The following ARHGAP10 variants were observed in gnomAD, a reference collection of about 807,000 sequenced individuals.
The protein encoded by ARHGAP10 is rho GTPase-activating protein 10.
In ARHGAP10, 87 loss-of-function variants were observed where a neutral mutation model predicts 108.6. The observed-to-expected ratio is 0.80, with a 90% CI of 0.67 to 0.96. The LOEUF is 0.96. Ranked by LOEUF, ARHGAP10 falls within the 40% of genes least tolerant of loss-of-function variation. The probability of loss-of-function intolerance (pLI) is 0.00; values close to 1 mark genes in which losing one functional copy is unlikely to be tolerated. For missense variants in ARHGAP10, 939 were observed against 954.5 expected (o/e 0.98, Z 0.21); for synonymous variants, 347 against 341.1 (o/e 1.02, Z -0.19).
chr4:148,045,944 C>G (rs1355187292), intron 19 of ARHGAP10, among the ~76,000 whole-genome samples: 1 of 152,044 alleles, frequency 6.6e-6, no homozygotes, highest in Non-Finnish European at 1.5e-5. Flanking sequence ...CAGTTTAGGA[C>G]CATCACCTAT....
chr4:148,044,999 C>G (rs1239679660), intron 19 of ARHGAP10, among the ~76,000 whole-genome samples: 1 of 152,068 alleles, frequency 6.6e-6, no homozygotes, highest in African/African-American at 2.4e-5. Flanking sequence ...TAAATAGACT[C>G]AGACAAGAAG....
Position 147,787,383 on chromosome 4 carries a change from C to T in ARHGAP10, c.155-35344C>T, listed in dbSNP as rs544200932. ...AGGAAACACATGAACACAACATCAG[C>T]AGGGGGAGAAGATGAAGCTCATGAA... On this transcript the variant is annotated intron_variant, in intron 1 of 22. Transcript: ENST00000336498. Among the ~76,000 whole-genome samples, 4 of 151,974 alleles carry T rather than the reference C, an allele frequency of 2.6e-5. No homozygotes were observed. In the South Asian group the frequency reaches 8.3e-4, roughly 32 times the overall value.
At chr4:147,849,221 C>A (rs1039894228) in intron 4 of ARHGAP10, among the ~76,000 whole-genome samples, 7 of 148,386 alleles carry the variant, frequency 4.7e-5, no homozygotes, top group African/African-American at 1.7e-4. Flanking sequence ...GTTGTTAAAT[C>A]TTTAAAAGAC....
intron 18 of ARHGAP10, among the ~76,000 whole-genome samples, chr4:148,003,567 A>G (rs952149266): frequency 6.6e-6 from 1 of 152,246 alleles, no homozygotes; most frequent in South Asian, 2.1e-4. Flanking sequence ...GTAGGTCTCT[A>G]AGGACTTGCT....
At chr4:148,033,253 G>C (rs1027761977) in intron 19 of ARHGAP10, among the ~76,000 whole-genome samples, 1 of 152,044 alleles carries the variant, frequency 6.6e-6, no homozygotes, top group South Asian at 2.1e-4. Context: ...ACTTATAAGA[G>C]GACCTTGTAT....
intron 3 of ARHGAP10, among the ~76,000 whole-genome samples, chr4:147,831,504 T>G (rs1418618344): frequency 6.6e-6 from 1 of 152,228 alleles, no homozygotes; most frequent in African/African-American, 2.4e-5. Flanking sequence ...ATCAGTTCTT[T>G]TACAGTTTAT....
chr4:148,016,684 C>T (rs968710378), intron 18 of ARHGAP10, among the ~76,000 whole-genome samples: 3 of 152,110 alleles, frequency 2.0e-5, no homozygotes, highest in African/African-American at 2.4e-5. Context: ...GTTCCAACAC[C>T]GTCTACCTGG....
chr4:147,826,028 G>A (rs1398790065), intron 3 of ARHGAP10, among the ~76,000 whole-genome samples: 2 of 152,204 alleles, frequency 1.3e-5, no homozygotes, highest in Admixed American at 6.5e-5. Flanking sequence ...GGAGCCAGGT[G>A]GGGCGGGGCT....
chr4:148,053,379 A>T (rs1253856481), intron 20 of ARHGAP10, among the ~76,000 whole-genome samples: 1 of 152,170 alleles, frequency 6.6e-6, no homozygotes, highest in Non-Finnish European at 1.5e-5. Context: ...CACTGACCTT[A>T]CATTAAGTCA....
intron 15 of ARHGAP10, among the ~76,000 whole-genome samples, chr4:147,947,565 G>A (rs1738434825): frequency 6.6e-6 from 1 of 151,898 alleles, no homozygotes; most frequent in Non-Finnish European, 1.5e-5. Context: ...ACCACGCCTG[G>A]CTAAGTTTTG....
chr4:147,753,756 C>G (rs768997615), intron 1 of ARHGAP10, among the ~76,000 whole-genome samples: 1 of 152,076 alleles, frequency 6.6e-6, no homozygotes, highest in Middle Eastern at 3.4e-3. Flanking sequence ...TTTCCCCTTT[C>G]GAAACTATTT....
intron 4 of ARHGAP10, among the ~76,000 whole-genome samples, chr4:147,850,592 A>G (rs942527920): frequency 6.6e-6 from 1 of 152,300 alleles, no homozygotes; most frequent in East Asian, 1.9e-4. Flanking sequence ...AACCCACCAG[A>G]AGGAAGAAAC....
chr4:148,039,041 C>T (rs1168353143), intron 19 of ARHGAP10, among the ~76,000 whole-genome samples: 2 of 152,188 alleles, frequency 1.3e-5, no homozygotes, highest in Admixed American at 6.5e-5. Flanking sequence ...TCCCTCTGAT[C>T]TACCCACCCC....
intron 1 of ARHGAP10, among the ~76,000 whole-genome samples, chr4:147,772,889 G>A (rs750785266): frequency 6.6e-6 from 1 of 152,202 alleles, no homozygotes; most frequent in Non-Finnish European, 1.5e-5. Flanking sequence ...GTATCTCTTA[G>A]TATTTCAGTT....
intron 7 of ARHGAP10, among the ~76,000 whole-genome samples, chr4:147,871,455 A>G (rs186123721): frequency 6.6e-6 from 1 of 152,180 alleles, no homozygotes; most frequent in Admixed American, 6.5e-5. Context: ...TTTTTTAAAG[A>G]TGTTTTCTCT....
Position 148,054,363 on chromosome 4 carries a change from C to T in ARHGAP10, c.2027+7312C>T, listed in dbSNP as rs149478400. 7.2e-5 allele frequency among the ~76,000 whole-genome samples: 11 copies of T among 152,364 alleles called. No individual in the cohort carries two copies. The East Asian group carries it at 1.9e-3, about 27-fold the overall frequency. ...ATTATCTGTAAAAGGGGAATAATAA[C>T]ATCTGCCCCTCTGGGCCGGGGTGAG... On this transcript the variant is annotated intron_variant, in intron 20 of 22. Transcript: ENST00000336498.
intron 5 of ARHGAP10, among the ~76,000 whole-genome samples, chr4:147,859,401 T>C (rs944220756): frequency 6.6e-6 from 1 of 151,992 alleles, no homozygotes; most frequent in African/African-American, 2.4e-5. Context: ...GTCTCCTGTG[T>C]AGCTGGGATT....
At chr4:147,888,052 C>T (rs1735641018) in intron 10 of ARHGAP10, among the ~76,000 whole-genome samples, 2 of 151,974 alleles carry the variant, frequency 1.3e-5, no homozygotes, top group African/African-American at 4.8e-5. Context: ...TTGCCCATCA[C>T]TCTCTCCTCC....
chr4:147,916,644 G>A (rs546480141), intron 13 of ARHGAP10: 1 of 152,298 alleles, frequency 6.6e-6, no homozygotes, highest in African/African-American at 2.4e-5. Flanking sequence ...AATTTCTGTG[G>A]CTCTGTAGCA....
Sources: allele counts gnomAD v4.1 joint callset (sites outside exome capture counted in the v4.1 genomes callset), GRCh38; gene constraint gnomAD v4.1.1; transcripts MANE v1.5; gene names NCBI Gene and HGNC (gene_info 2026-07-23, HGNC 2026-07-21).